Variants in PKHD1 observed in about 807,000 individuals in gnomAD.
PKHD1 encodes the protein PKHD1 ciliary IPT domain containing fibrocystin/polyductin, also known as fibrocystin.
Under a neutral mutation model 412.0 loss-of-function variants are expected in PKHD1, and 291 were observed. The observed-to-expected ratio is 0.71, with a 90% CI of 0.64 to 0.78. The LOEUF is 0.78. Ranked by LOEUF, PKHD1 falls within the 30% of genes least tolerant of loss-of-function variation. PKHD1 has a pLI of 0.00. For missense variants in PKHD1, 4,825 were observed against 4,950.7 expected (o/e 0.97, Z 0.76); for synonymous variants, 1,777 against 1,821.5 (o/e 0.98, Z 0.62).
At chr6:52,076,167 C>G (rs1046851088) in intron 6 of PKHD1, 109 bp downstream of exon 6, 1 of 770,556 alleles carries the variant, frequency 1.3e-6, no homozygotes, top group Admixed American at 1.9e-5. Flanking sequence ...AAAACAGCAT[C>G]AAAGAAGAAG....
In PKHD1 at chr6:52,048,553, CTGTCGTCTCTG is replaced by C; in HGVS notation, c.2335_2345del (p.Gln779AlafsTer16). The stretch of plus-strand genomic sequence containing the variant: ...GTCCTCCTAGAGGTGGACTTGTCCG[CTGTCGTCTCTG>C]TGTCGTCACCAGGACCAGTCCAGAT... On this transcript the variant is annotated frameshift_variant, in exon 23 of 67. Coordinates refer to ENST00000371117, the MANE Select transcript of PKHD1 (RefSeq NM_138694.4). LOFTEE classifies it high-confidence loss of function. The C allele has an allele frequency of 6.2e-7, 1 of 1,614,084 alleles. No individual in the cohort carries two copies. The highest frequency in any genetic ancestry group is 8.5e-7 in the Non-Finnish European group (1 of 1,179,924).
chr6:51,977,594 T>G (rs949031344), intron 35 of PKHD1, among the ~76,000 whole-genome samples: 3 of 152,228 alleles, frequency 2.0e-5, no homozygotes, highest in African/African-American at 7.2e-5. Flanking sequence ...CCACCAGGCT[T>G]TGCACATACT....
At chr6:51,851,158 G>A (rs888233086) in intron 49 of PKHD1, among the ~76,000 whole-genome samples, 2 of 152,110 alleles carry the variant, frequency 1.3e-5, no homozygotes, top group African/African-American at 4.8e-5. Context: ...AAAAAATCAA[G>A]TGGTTTTTGT....
intron 50 of PKHD1, among the ~76,000 whole-genome samples, chr6:51,843,287 G>A (rs2151597398): frequency 6.6e-6 from 1 of 152,354 alleles, no homozygotes; most frequent in African/African-American, 2.4e-5. Flanking sequence ...GGTGTCAGCA[G>A]ATGTAGCCAG....
At chr6:51,684,473 A>G (rs1777156396) in intron 60 of PKHD1, among the ~76,000 whole-genome samples, 1 of 152,140 alleles carries the variant, frequency 6.6e-6, no homozygotes, top group Non-Finnish European at 1.5e-5. Flanking sequence ...GGTCCCAGTT[A>G]GTTTAGAAGC....
At position 51,830,877 on chromosome 6, in the gene PKHD1, G is replaced by A. The variant is rs749740610; in HGVS notation, c.8286C>T (p.Asp2762=). 46 of 1,612,522 alleles carry A rather than the reference G, an allele frequency of 2.9e-5. No homozygotes were observed. Among genetic ancestry groups the A allele is most frequent in the Middle Eastern group, 3.3e-4 (2 of 6,070 alleles). Residue 2762 remains aspartate (D), a synonymous_variant, in exon 52 of 67, where the codon GAC becomes GAT. Transcript: ENST00000371117. ...YNNTIPGPGD[D]VLILPNRTVL... is the part of the protein sequence containing the mutation. ...TTTACTCACTGGGTAAAATGAGAAC[G>A]TCATCCCCAGGGCCTGGAATGGTAT...
chr6:51,704,821 A>G (rs75334808), intron 60 of PKHD1, among the ~76,000 whole-genome samples: 6,652 of 152,198 alleles, frequency 0.044, 209 homozygotes, highest in Middle Eastern at 0.11. Context: ...TGGGATCTTC[A>G]TCACAGACCT....
At chr6:51,788,554 C>G (rs958681187) in intron 53 of PKHD1, among the ~76,000 whole-genome samples, 3 of 151,884 alleles carry the variant, frequency 2.0e-5, no homozygotes, top group African/African-American at 7.3e-5. Context: ...CTTCCATGTA[C>G]TGGTTAAATC....
intron 60 of PKHD1, among the ~76,000 whole-genome samples, chr6:51,711,891 T>C (rs1187834454): frequency 6.6e-6 from 1 of 152,212 alleles, no homozygotes; most frequent in Non-Finnish European, 1.5e-5. Flanking sequence ...CCTTTCACAA[T>C]GGTTAGGTAT....
At chr6:51,842,467 A>G (rs1770384885) in intron 50 of PKHD1, among the ~76,000 whole-genome samples, 1 of 152,208 alleles carries the variant, frequency 6.6e-6, no homozygotes, top group South Asian at 2.1e-4. Flanking sequence ...GACAGAATGT[A>G]CAATTATTAG....
rs368004001 is a variant in PKHD1, at chr6:52,071,589, G to T, written c.603-519C>A. Among the ~76,000 whole-genome samples the T allele has an allele frequency of 9.0e-4, 137 of 152,202 alleles. 1 individual carries two copies. Among genetic ancestry groups the T allele is most frequent in the African/African-American group, 3.1e-3 (127 of 41,550 alleles). ...CAAAACATTGGGTATTTAAACTGGA[G>T]AGTGTAGAAACTTATTTCTAAATTT... On this transcript the variant is annotated intron_variant, in intron 8 of 66. Transcript: ENST00000371117.
chr6:52,022,303 A>T (rs1222686912), intron 33 of PKHD1, among the ~76,000 whole-genome samples: 5 of 152,236 alleles, frequency 3.3e-5, no homozygotes, highest in Non-Finnish European at 5.9e-5. Context: ...AGACAACATG[A>T]GTGTTGGCTC....
intron 60 of PKHD1, among the ~76,000 whole-genome samples, chr6:51,662,078 A>G (rs979969233): frequency 1.3e-5 from 2 of 151,960 alleles, no homozygotes; most frequent in African/African-American, 2.4e-5. Context: ...GAAAACTATA[A>G]AATATTTAAA....
chr6:52,032,966 A>G, intron 29 of PKHD1, 64 bp downstream of exon 29: 2 of 1,399,310 alleles, frequency 1.4e-6, no homozygotes, highest in Non-Finnish European at 2.0e-6. Context: ...GAGGACATTG[A>G]TTGCCCTTTT....
rs867613291 is a variant in PKHD1 at position 51,823,469 on chromosome 6, T to C, written c.8302+7392A>G. ...GAAAAGGTTTGTAAAAGTCCTCTAT[T>C]AGAGTAAAACTCGAATTAGTTCCAG... On this transcript the variant is annotated intron_variant, in intron 52 of 66. Coordinates refer to ENST00000371117, the MANE Select transcript of PKHD1 (RefSeq NM_138694.4). Among the ~76,000 whole-genome samples, 15 of 152,238 alleles carry C rather than the reference T, an allele frequency of 9.9e-5. No individual in the cohort carries two copies. In the East Asian group the frequency reaches 1.7e-3, roughly 18 times the overall value.
At chr6:51,912,897 T>C (rs746387516) in intron 37 of PKHD1, among the ~76,000 whole-genome samples, 2 of 152,102 alleles carry the variant, frequency 1.3e-5, no homozygotes, top group Admixed American at 6.6e-5. Context: ...ATTCTAACCC[T>C]ATTCTTTAGG....
At chr6:51,982,823 A>T (rs1433121947) in intron 35 of PKHD1, among the ~76,000 whole-genome samples, 1 of 146,870 alleles carries the variant, frequency 6.8e-6, no homozygotes, top group East Asian at 1.9e-4. Context: ...AAAAATAATA[A>T]TAATAAATAA....
chr6:51,939,750 A>ACTTGGGGTTGG (rs1788174094), intron 36 of PKHD1, among the ~76,000 whole-genome samples: 1 of 150,986 alleles, frequency 6.6e-6, no homozygotes, highest in Admixed American at 6.6e-5. Context: ...CTCAGTCCCA[A>ACTTGGGGTTGG]CCCCAAGCAT....
chr6:51,970,402 T>C (rs956561110), intron 35 of PKHD1, among the ~76,000 whole-genome samples: 1 of 152,222 alleles, frequency 6.6e-6, no homozygotes, highest in Non-Finnish European at 1.5e-5. Context: ...CTGCAGGTTA[T>C]CTGTTCATTA....
Sources: allele counts gnomAD v4.1 joint callset (sites outside exome capture counted in the v4.1 genomes callset), GRCh38; gene constraint gnomAD v4.1.1; transcripts MANE v1.5; gene names NCBI Gene and HGNC (gene_info 2026-07-23, HGNC 2026-07-21).